MINAR1: variants seen among roughly 807,000 people sequenced by gnomAD.
The protein encoded by MINAR1 is membrane integral NOTCH2 associated receptor 1, also known as major intrinsically disordered Notch2-binding receptor 1.
Under a neutral mutation model 65.1 loss-of-function variants are expected in MINAR1, and 40 were observed. That is an observed-to-expected ratio of 0.61 (90% CI 0.48 to 0.80). The LOEUF (loss-of-function observed/expected upper bound fraction) is 0.80. MINAR1 is among the 30% of genes least tolerant of loss of function. The pLI is 0.00. For missense variants in MINAR1, 1,128 were observed against 1,148.0 expected, an observed-to-expected ratio of 0.98 and a Z score of 0.25; for synonymous variants, 482 against 449.1, an observed-to-expected ratio of 1.07 and a Z score of -0.93.
At chr15:79,423,925 A>G in the MINAR1 span, 1 of 152,242 alleles carries the variant, frequency 6.6e-6, no homozygotes, top group Non-Finnish European at 1.5e-5. Flanking sequence ...CTCTGCATTC[A>G]GATGCAGCTA....
At chr15:79,436,699 C>T (rs112361639) in intron 1 of MINAR1, among the ~76,000 whole-genome samples, 1,883 of 152,318 alleles carry the variant, frequency 0.012, 41 homozygotes, top group African/African-American at 0.043. Context: ...TCCATGCATA[C>T]GCATGCATGT....
intron 1 of MINAR1, among the ~76,000 whole-genome samples, chr15:79,455,704 C>A (rs1244704776): frequency 6.6e-6 from 1 of 152,150 alleles, no homozygotes; most frequent in Non-Finnish European, 1.5e-5. Context: ...CTTGCATGTA[C>A]TAGTGGTTTG....
In MINAR1 at chr15:79,467,715, T is replaced by C. The variant is rs529276487; in HGVS notation, c.2554-472T>C. On this transcript the variant is annotated intron_variant, in intron 3 of 3. Transcript: ENST00000305428. ...CTGCTCATCTTGGAGGTTCCTTTGA[T>C]TTTTCAGTAGAAGCTTTTCTGAGAA... Among the ~76,000 whole-genome samples, 9 of 152,346 alleles carry C rather than the reference T, an allele frequency of 5.9e-5. No homozygotes were observed. In the East Asian group the frequency reaches 1.7e-3, roughly 29 times the overall value.
At chr15:79,456,068 C>T in intron 1 of MINAR1, 30 bp from the exon 2 acceptor site, 1 of 1,413,028 alleles carries the variant, frequency 7.1e-7, no homozygotes, top group Admixed American at 2.0e-5. Context: ...TCCTCTTTTC[C>T]TCCTCTCTTT....
Position 79,468,805 on chromosome 15 carries a change from G to T in MINAR1, c.*421G>T, listed in dbSNP as rs1489300831. ...GGGAAATAGCAACATAAGAAGAAAAGAGGTGGCTTCTCTTTTCCATAATGT... is the reference window on the plus strand; with the variant it reads ...GGGAAATAGCAACATAAGAAGAAAATAGGTGGCTTCTCTTTTCCATAATGT... On this transcript the variant is annotated 3_prime_UTR_variant, in exon 4 of 4. Transcript: ENST00000305428. 1 of 193,430 alleles carries T rather than the reference G, an allele frequency of 5.2e-6. No individual in the cohort carries two copies. Among genetic ancestry groups the T allele is most frequent in the Non-Finnish European group, 1.1e-5 (1 of 92,416 alleles). 12.0% of individuals were successfully genotyped at this position (193,430 alleles called of 1,614,324 possible).
intron 1 of MINAR1, 135 bp downstream of exon 1, chr15:79,432,675 C>G (rs540983697): frequency 6.6e-6 from 1 of 152,664 alleles, no homozygotes; most frequent in Non-Finnish European, 1.5e-5. Flanking sequence ...GGGAGCGCCT[C>G]CCTGCCTCGG....
intron 1 of MINAR1, among the ~76,000 whole-genome samples, chr15:79,450,307 T>C (rs553933449): frequency 3.9e-5 from 6 of 152,304 alleles, no homozygotes; most frequent in Middle Eastern, 3.4e-3. Context: ...CCCAGTCTCA[T>C]GCACCTTCTG....
At chr15:79,429,983 C>A (rs1243771832), upstream of MINAR1, among the ~76,000 whole-genome samples, 1 of 152,104 alleles carries the variant, frequency 6.6e-6, no homozygotes, top group Non-Finnish European at 1.5e-5. Flanking sequence ...GAGAGGAATA[C>A]CTCCCAAGGC....
intron 1 of MINAR1, among the ~76,000 whole-genome samples, chr15:79,440,801 C>A (rs1297750389): frequency 1.3e-5 from 2 of 152,126 alleles, no homozygotes. Context: ...TCTTTCTAAC[C>A]CCTTTTTCTG....
chr15:79,423,684 G>A, the MINAR1 span: 3 of 152,186 alleles, frequency 2.0e-5, no homozygotes, highest in Non-Finnish European at 2.9e-5. Flanking sequence ...CATTCAACAC[G>A]TAGGTTCTAG....
upstream of MINAR1, among the ~76,000 whole-genome samples, chr15:79,431,516 G>GGC (rs1805081111): frequency 2.0e-5 from 3 of 149,970 alleles, no homozygotes; most frequent in African/African-American, 7.5e-5. Context: ...TGTGTGTGTG[G>GGC]GGGGGGAGAG....
the MINAR1 span, chr15:79,412,594 G>A: frequency 6.6e-6 from 1 of 152,626 alleles, no homozygotes; most frequent in South Asian, 2.1e-4. Flanking sequence ...ATGCGAAGTT[G>A]CCATTGGGCG....
At position 79,468,040 on chromosome 15, in the gene MINAR1, T is replaced by TG. The variant is rs149605956; in HGVS notation, c.2554-143dup. ...AGCCTGTAGTAGCCTGCCTCAGGCATGGGGCTGGTGGGGCAGTGTTATGCA... is the reference window on the plus strand; with the variant it reads ...AGCCTGTAGTAGCCTGCCTCAGGCATGGGGGCTGGTGGGGCAGTGTTATGCA... On this transcript the variant is annotated intron_variant, in intron 3 of 3. Coordinates refer to ENST00000305428, the MANE Select transcript of MINAR1 (RefSeq NM_015206.3). 765 of 633,960 alleles carry TG rather than the reference T, an allele frequency of 1.2e-3. 3 individuals are homozygous for TG. The African/African-American group carries it at 0.012, about 10-fold the overall frequency. The allele number at this position is 633,960 out of a possible 1,614,324, so 39.3% of individuals were successfully genotyped here.
At chr15:79,464,843 G>T (rs930037122) in intron 3 of MINAR1, among the ~76,000 whole-genome samples, 1 of 151,574 alleles carries the variant, frequency 6.6e-6, no homozygotes, top group African/African-American at 2.4e-5. Flanking sequence ...AACTTCCTGC[G>T]GGCAAGGAGG....
intron 1 of MINAR1, among the ~76,000 whole-genome samples, chr15:79,437,102 T>C (rs116071983): frequency 6.6e-4 from 66 of 99,852 alleles, no homozygotes; most frequent in African/African-American, 1.9e-3. Flanking sequence ...TTCAAGTAAC[T>C]AACTAAGAAA....
Position 79,433,515 on chromosome 15 carries a change from G to C in MINAR1, c.-51+975G>C, listed in dbSNP as rs540074420. Among the ~76,000 whole-genome samples the C allele has an allele frequency of 1.8e-4, 28 of 152,264 alleles. No homozygotes were observed. In the East Asian group the frequency reaches 5.0e-3, roughly 27 times the overall value. On this transcript the variant is annotated intron_variant, in intron 1 of 3. Coordinates refer to ENST00000305428, the MANE Select transcript of MINAR1 (RefSeq NM_015206.3). Reference sequence around the variant, plus strand: ...AGGCTTCTCACCCATTTCTCTTGTGGATGGAGCCATGTGGTTGGGAGGTGG... The same window carrying C: ...AGGCTTCTCACCCATTTCTCTTGTGCATGGAGCCATGTGGTTGGGAGGTGG...
intron 3 of MINAR1, among the ~76,000 whole-genome samples, chr15:79,464,214 A>G (rs1359386461): frequency 6.6e-6 from 1 of 152,208 alleles, no homozygotes; most frequent in Non-Finnish European, 1.5e-5. Context: ...CATTCACTCC[A>G]TCTGATTGAG....
intron 2 of MINAR1, among the ~76,000 whole-genome samples, chr15:79,459,411 A>C (rs1396652194): frequency 1.3e-5 from 2 of 152,124 alleles, no homozygotes; most frequent in Non-Finnish European, 2.9e-5. Context: ...CCCTGCAGTA[A>C]GGGTGGTTTG....
rs1895958991 is a variant in MINAR1 at position 79,468,547 on chromosome 15, A to G, written c.*163A>G. 1.5e-6 allele frequency: 1 copy of G among 652,106 alleles called. No individual in the cohort carries two copies. 40.4% of individuals were successfully genotyped at this position (652,106 alleles called of 1,614,324 possible). A position where few individuals can be genotyped will look rare whatever the true frequency, so the allele number is the denominator to read the frequency against. ...GTGGTTTTCAGAAAGTATACATTCT[A>G]GTGAGAAATCTACCTACCTATTAGC... On this transcript the variant is annotated 3_prime_UTR_variant, in exon 4 of 4. Coordinates refer to ENST00000305428, the MANE Select transcript of MINAR1 (RefSeq NM_015206.3).
Sources: gnomAD v4.1 joint callset for allele counts (sites outside exome capture counted in the v4.1 genomes callset) on GRCh38, gnomAD v4.1.1 for gene constraint, MANE v1.5 for transcripts, NCBI Gene and HGNC (gene_info 2026-07-23, HGNC 2026-07-21) for gene names.